The following VSTM4 variants were observed in gnomAD, a reference collection of about 807,000 sequenced individuals.
VSTM4 encodes the protein V-set and transmembrane domain containing 4, also known as V-set and transmembrane domain-containing protein 4.
VSTM4 carries 20 observed loss-of-function variants against 36.4 expected under a neutral mutation model. The ratio of observed to expected loss-of-function variants is 0.55; its 90% confidence interval spans 0.39 to 0.80. The LOEUF (loss-of-function observed/expected upper bound fraction) is 0.80. Ranked by LOEUF, VSTM4 falls within the 30% of genes least tolerant of loss-of-function variation. The probability of loss-of-function intolerance (pLI) is 0.00; values close to 1 mark genes in which losing one functional copy is unlikely to be tolerated. For synonymous variants in VSTM4, 182 were observed against 173.9 expected, an observed-to-expected ratio of 1.05 and a Z score of -0.37; for missense variants, 392 against 404.5, an observed-to-expected ratio of 0.97 and a Z score of 0.26.
At chr10:49,024,037 A>G (rs1302733195) in intron 7 of VSTM4, among the ~76,000 whole-genome samples, 1 of 152,218 alleles carries the variant, frequency 6.6e-6, no homozygotes, top group Non-Finnish European at 1.5e-5. Flanking sequence ...AAGTCCTGGC[A>G]GAATCCTTTA....
intron 3 of VSTM4, among the ~76,000 whole-genome samples, chr10:49,081,798 G>C (rs569671855): frequency 6.6e-6 from 1 of 152,292 alleles, no homozygotes; most frequent in South Asian, 2.1e-4. Flanking sequence ...ACACAAGACC[G>C]GTCATGGCCA....
chr10:49,053,587 G>A (rs1208563013), intron 5 of VSTM4, among the ~76,000 whole-genome samples: 2 of 152,220 alleles, frequency 1.3e-5, no homozygotes, highest in Admixed American at 6.5e-5. Flanking sequence ...TAGATGGGGT[G>A]TGAAACAGCT....
At position 49,048,209 on chromosome 10, in the gene VSTM4, A is replaced by G. The variant is rs115333536; in HGVS notation, c.775+269T>C. ...AAACATAATCTGGAATCATCTGTGG[A>G]TGTTGATCTTCCCCCTGCTAAAGCT... is the stretch of plus-strand genomic sequence containing the variant. On this transcript the variant is annotated intron_variant, in intron 6 of 7. Coordinates refer to ENST00000332853, the MANE Select transcript of VSTM4 (RefSeq NM_001031746.5). Among the ~76,000 whole-genome samples, 662 of 152,284 alleles carry G rather than the reference A, an allele frequency of 4.3e-3. 7 individuals carry two copies. The highest frequency in any genetic ancestry group is 0.015 in the African/African-American group (617 of 41,564).
At chr10:49,108,652 G>A (rs144888078) in intron 1 of VSTM4, among the ~76,000 whole-genome samples, 18 of 152,344 alleles carry the variant, frequency 1.2e-4, no homozygotes, top group African/African-American at 4.3e-4. Context: ...GAGTTGAAGA[G>A]CAAGAATAAA....
chr10:49,067,586 C>A (rs180880432), intron 4 of VSTM4, among the ~76,000 whole-genome samples: 29 of 152,186 alleles, frequency 1.9e-4, no homozygotes, highest in Non-Finnish European at 3.8e-4. Context: ...AGAGGGAAGA[C>A]CATGTGAAGA....
chr10:49,055,357 T>C (rs1843761895), intron 5 of VSTM4, among the ~76,000 whole-genome samples: 3 of 152,120 alleles, frequency 2.0e-5, no homozygotes, highest in African/African-American at 7.2e-5. Flanking sequence ...GAGGGATCCA[T>C]CCGTTTCTTT....
rs771948602 is a variant in VSTM4 at position 49,019,803 on chromosome 10, C to G, written c.838-28G>C. ...ATAAAAGAAAAAACAAAACAAAACA[C>G]AATTCTAGCTGACCACAGGAGCTCT... On this transcript the variant is annotated intron_variant, in intron 7 of 7. Coordinates refer to ENST00000332853, the MANE Select transcript of VSTM4 (RefSeq NM_001031746.5). The G allele has an allele frequency of 1.2e-5, 20 of 1,602,416 alleles. No individual in the cohort carries two copies. In the South Asian group the frequency reaches 1.9e-4, roughly 15 times the overall value.
intron 7 of VSTM4, among the ~76,000 whole-genome samples, chr10:49,024,722 C>T (rs190963522): frequency 6.0e-4 from 91 of 152,280 alleles, no homozygotes; most frequent in Non-Finnish European, 1.3e-4. Flanking sequence ...AGTGGCATCA[C>T]CTCCTCTCTA....
chr10:49,021,528 A>T (rs772162474), intron 7 of VSTM4, among the ~76,000 whole-genome samples: 53 of 152,226 alleles, frequency 3.5e-4, no homozygotes, highest in Non-Finnish European at 2.8e-4. Context: ...TCAAGTTTCC[A>T]CTAGCAAATC....
At chr10:49,099,186 T>C (rs1844624327) in intron 2 of VSTM4, among the ~76,000 whole-genome samples, 1 of 152,188 alleles carries the variant, frequency 6.6e-6, no homozygotes, top group Non-Finnish European at 1.5e-5. Flanking sequence ...GGTCGATTTG[T>C]ATGTGGATGG....
chr10:49,111,402 C>T (rs1472610741), intron 1 of VSTM4, among the ~76,000 whole-genome samples: 10 of 152,148 alleles, frequency 6.6e-5, no homozygotes, highest in Non-Finnish European at 1.5e-4. Flanking sequence ...CCCCCGGGAG[C>T]CCAGGCTCTT....
intron 2 of VSTM4, among the ~76,000 whole-genome samples, chr10:49,097,267 C>T (rs1364032604): frequency 1.3e-5 from 2 of 152,140 alleles, no homozygotes; most frequent in Non-Finnish European, 2.9e-5. Flanking sequence ...CTTAAGGGTT[C>T]GCCCTGCCCC....
chr10:49,089,469 T>A (rs1227560984), intron 2 of VSTM4, among the ~76,000 whole-genome samples: 1 of 152,158 alleles, frequency 6.6e-6, no homozygotes, highest in Non-Finnish European at 1.5e-5. Flanking sequence ...AAATTGTGGG[T>A]CCTTGATTTA....
intron 7 of VSTM4, among the ~76,000 whole-genome samples, chr10:49,044,488 T>G (rs72783193): frequency 3.5e-3 from 225 of 64,304 alleles, no homozygotes; most frequent in Middle Eastern, 9.8e-3. Context: ...AGAGAAAAAA[T>G]TAAAGAAAAG....
chr10:49,051,286 G>A (rs1348102752), intron 5 of VSTM4, among the ~76,000 whole-genome samples: 1 of 151,896 alleles, frequency 6.6e-6, no homozygotes, highest in African/African-American at 2.4e-5. Flanking sequence ...GGATGTCACA[G>A]AGTTGGAATG....
intron 5 of VSTM4, among the ~76,000 whole-genome samples, chr10:49,057,221 A>T (rs185031668): frequency 6.6e-6 from 1 of 152,272 alleles, no homozygotes; most frequent in Admixed American, 6.5e-5. Flanking sequence ...TCCAAGCCAT[A>T]ACCTGGATTC....
intron 2 of VSTM4, among the ~76,000 whole-genome samples, chr10:49,092,855 A>G (rs1844500656): frequency 6.6e-6 from 1 of 152,148 alleles, no homozygotes; most frequent in Admixed American, 6.5e-5. Flanking sequence ...AGATTATGCC[A>G]GCAGAAGAGC....
intron 7 of VSTM4, among the ~76,000 whole-genome samples, chr10:49,023,673 G>C (rs1361984925): frequency 6.6e-6 from 1 of 152,112 alleles, no homozygotes; most frequent in African/African-American, 2.4e-5. Flanking sequence ...TTTAAGCTAG[G>C]GAATCACTCC....
rs747645241 is a variant in VSTM4, at chr10:49,017,679, GCCCTCTT to G, written c.*1964_*1970del. The G allele has an allele frequency of 6.6e-6, 1 of 152,118 alleles. No homozygotes were observed. Among genetic ancestry groups the G allele is most frequent in the Non-Finnish European group, 1.5e-5 (1 of 68,054 alleles). 9.4% of individuals were successfully genotyped at this position (152,118 alleles called of 1,614,324 possible). The stretch of plus-strand genomic sequence containing the variant: ...GGAAGATATTACCCCCTGGCCTGTT[GCCCTCTT>G]CCCGCCATTTCCTTTTCATGTGCCC... On this transcript the variant is annotated 3_prime_UTR_variant, in exon 8 of 8. Coordinates refer to ENST00000332853, the MANE Select transcript of VSTM4 (RefSeq NM_001031746.5).
Sources: gnomAD v4.1 joint callset for allele counts (sites outside exome capture counted in the v4.1 genomes callset) on GRCh38, gnomAD v4.1.1 for gene constraint, MANE v1.5 for transcripts, NCBI Gene and HGNC (gene_info 2026-07-23, HGNC 2026-07-21) for gene names.